Variants in PRMT8 observed in about 807,000 individuals in gnomAD.
The protein encoded by PRMT8 is protein arginine N-methyltransferase 8.
In PRMT8, 7 loss-of-function variants were observed where a neutral mutation model predicts 47.1. That is an observed-to-expected ratio of 0.15 (90% confidence interval 0.08 to 0.28). The LOEUF (loss-of-function observed/expected upper bound fraction) is 0.28, where lower values mean the gene tolerates loss of function less well. Ranked by LOEUF, PRMT8 falls within the 10% of genes least tolerant of loss-of-function variation. The pLI, the probability that PRMT8 is intolerant of heterozygous loss-of-function variation, is 1.00. For synonymous variants in PRMT8, 188 were observed against 186.5 expected (o/e 1.01, Z -0.07); for missense variants, 237 against 505.4 (o/e 0.47, Z 5.09).
At chr12:3,390,182 C>G (rs559326538) in intron 1 of PRMT8, among the ~76,000 whole-genome samples, 2 of 152,368 alleles carry the variant, frequency 1.3e-5, no homozygotes, top group East Asian at 3.9e-4. Flanking sequence ...CCACTTGCTG[C>G]TCAGTACACT....
At chr12:3,567,664 GT>G (rs1272375771) in intron 4 of PRMT8, among the ~76,000 whole-genome samples, 1 of 152,180 alleles carries the variant, frequency 6.6e-6, no homozygotes, top group African/African-American at 2.4e-5. Context: ...TACCACAGGG[GT>G]TAGGGGTGCC....
chr12:3,548,374 A>G (rs1414907213), intron 2 of PRMT8, among the ~76,000 whole-genome samples: 1 of 152,186 alleles, frequency 6.6e-6, no homozygotes, highest in Non-Finnish European at 1.5e-5. Context: ...AAAAAGAAAA[A>G]AGAAAATGAA....
At chr12:3,592,408 G>C (rs769188577) in intron 9 of PRMT8, 56 bp downstream of exon 9, 2 of 1,553,756 alleles carry the variant, frequency 1.3e-6, no homozygotes, top group Admixed American at 2.2e-5. Flanking sequence ...GAGCTGGCTC[G>C]CTCAGGACCC....
At chr12:3,397,242 C>T (rs943675237) in intron 1 of PRMT8, among the ~76,000 whole-genome samples, 110 of 152,038 alleles carry the variant, frequency 7.2e-4, no homozygotes, top group Non-Finnish European at 1.2e-3. Flanking sequence ...AGCTTTGTTC[C>T]ATTGCTGGTG....
chr12:3,582,464 C>T (rs1867085132), intron 7 of PRMT8, among the ~76,000 whole-genome samples: 1 of 152,202 alleles, frequency 6.6e-6, no homozygotes, highest in African/African-American at 2.4e-5. Flanking sequence ...TTTGTGGGCT[C>T]AGGTCCTTAC....
chr12:3,422,530 G>C (rs1396421454), intron 1 of PRMT8, among the ~76,000 whole-genome samples: 2 of 152,176 alleles, frequency 1.3e-5, no homozygotes, highest in Admixed American at 6.5e-5. Context: ...CAACTCTAAG[G>C]GGGTCCGCGT....
intron 1 of PRMT8, among the ~76,000 whole-genome samples, chr12:3,410,917 A>G (rs1864422738): frequency 6.6e-6 from 1 of 152,194 alleles, no homozygotes; most frequent in Non-Finnish European, 1.5e-5. Context: ...AGTTCTAAAC[A>G]TTGTGTCTGA....
chr12:3,441,224 G>GTTA (rs1864798187), intron 1 of PRMT8, among the ~76,000 whole-genome samples: 1 of 151,128 alleles, frequency 6.6e-6, no homozygotes, highest in African/African-American at 2.4e-5. Context: ...AATCACTACA[G>GTTA]TTATGTATTA....
At position 3,469,717 on chromosome 12, in the gene PRMT8, T is replaced by C. The variant is rs74612924; in HGVS notation, c.49-70889T>C. Among the ~76,000 whole-genome samples, 1,491 of 152,308 alleles carry C rather than the reference T, an allele frequency of 9.8e-3. 30 individuals are homozygous for C. The highest frequency in any genetic ancestry group is 0.034 in the African/African-American group (1,406 of 41,556). ...GGTGATTTTTATGATAGGTGAATGA[T>C]ATCTCAATTTTTAAAAAGTGGAAAA... On this transcript the variant is annotated intron_variant, in intron 1 of 9. Transcript: ENST00000452611.
intron 1 of PRMT8, among the ~76,000 whole-genome samples, chr12:3,468,262 G>A (rs1306370934): frequency 2.0e-5 from 3 of 152,166 alleles, no homozygotes; most frequent in African/African-American, 4.8e-5. Flanking sequence ...CCTAGAAGAC[G>A]AGAAAAAATG....
At chr12:3,391,503 G>A (rs1486660890) in intron 1 of PRMT8, among the ~76,000 whole-genome samples, 1 of 152,194 alleles carries the variant, frequency 6.6e-6, no homozygotes, top group African/African-American at 2.4e-5. Context: ...TCACTGGAGC[G>A]AGAGATGGGA....
chr12:3,494,412 T>C (rs751683935), intron 1 of PRMT8, among the ~76,000 whole-genome samples: 7 of 152,242 alleles, frequency 4.6e-5, no homozygotes, highest in African/African-American at 7.2e-5. Flanking sequence ...ACACCGAGGC[T>C]GAGGTCAAGC....
rs76464898 is a variant in PRMT8, at chr12:3,466,955, T to C, written c.49-73651T>C. Among the ~76,000 whole-genome samples, 1,496 of 152,146 alleles carry C rather than the reference T, an allele frequency of 9.8e-3. 30 individuals are homozygous for C. Among genetic ancestry groups the C allele is most frequent in the African/African-American group, 0.034 (1,396 of 41,494 alleles). On this transcript the variant is annotated intron_variant, in intron 1 of 9. Coordinates refer to the PRMT8 transcript ENST00000452611. ...GTCTCTTAAGAAATTGTGTCAGAGA[T>C]GACTGGGCGCGGTAGCTCATGCCAG...
intron 1 of PRMT8, among the ~76,000 whole-genome samples, chr12:3,511,689 G>A (rs1159439546): frequency 6.6e-6 from 1 of 152,216 alleles, no homozygotes; most frequent in Admixed American, 6.5e-5. Flanking sequence ...GTGGGCCTGG[G>A]TGTTGGAGAG....
chr12:3,413,509 C>A (rs902564713), intron 1 of PRMT8, among the ~76,000 whole-genome samples: 3 of 152,216 alleles, frequency 2.0e-5, no homozygotes, highest in Non-Finnish European at 4.4e-5. Context: ...CTATCTTCCA[C>A]TTCCTCATCT....
rs994272710 is a variant in PRMT8 at position 3,396,611 on chromosome 12, G to C, written c.48+15169G>C. Among the ~76,000 whole-genome samples the C allele has an allele frequency of 4.5e-4, 68 of 152,212 alleles. No individual in the cohort carries two copies. In the South Asian group the frequency reaches 0.011, roughly 24 times the overall value. Reference sequence around the variant, plus strand: ...TTAGTCTGATGGGCTTCCCTTTGTGGGTAACCCGACCTTTCTCTCTGGCTG... The same window carrying C: ...TTAGTCTGATGGGCTTCCCTTTGTGCGTAACCCGACCTTTCTCTCTGGCTG... On this transcript the variant is annotated intron_variant, in intron 1 of 9. Coordinates refer to the PRMT8 transcript ENST00000452611.
rs1161943187 is a variant in PRMT8, at chr12:3,493,542, C to G, written c.75+1842C>G. Among the ~76,000 whole-genome samples, 1 of 152,246 alleles carries G rather than the reference C, an allele frequency of 6.6e-6. No homozygotes were observed. Among genetic ancestry groups the G allele is most frequent in the African/African-American group, 2.4e-5 (1 of 41,472 alleles). ...TGCGGTTCCCTTTGCCTCCTACCCC[C>G]GCTGCCGCGCGGGGTCTGGGTGCAG... On this transcript the variant is annotated intron_variant, in intron 1 of 9. Transcript: ENST00000382622. This position sits in a 1 kb window ranked among gnomAD's most constrained non-coding sequence, Gnocchi z 8.2.
chr12:3,418,653 A>T (rs945750197), intron 1 of PRMT8, among the ~76,000 whole-genome samples: 4 of 151,982 alleles, frequency 2.6e-5, no homozygotes, highest in Non-Finnish European at 5.9e-5. Context: ...GTCAACTTTG[A>T]CTCTAGCTAC....
chr12:3,558,835 A>G (rs1445281182), intron 4 of PRMT8, among the ~76,000 whole-genome samples: 4 of 152,216 alleles, frequency 2.6e-5, no homozygotes. Context: ...GTCTGCTGCC[A>G]GCCTTCGCCA....
Sources: allele counts gnomAD v4.1 joint callset (sites outside exome capture counted in the v4.1 genomes callset), GRCh38; gene constraint gnomAD v4.1.1; non-coding constraint Gnocchi (gnomAD v3.1); transcripts MANE v1.5; gene names NCBI Gene and HGNC (gene_info 2026-07-23, HGNC 2026-07-21).